Variants in RHOJ observed in about 807,000 individuals in gnomAD.
RHOJ encodes the protein ras homolog family member J.
In RHOJ, 11 loss-of-function variants were observed where a neutral mutation model predicts 23.4. That is an observed-to-expected ratio of 0.47 (90% CI 0.30 to 0.78). RHOJ has a LOEUF of 0.78. RHOJ is among the 30% of genes least tolerant of loss of function. The pLI, the probability that RHOJ is intolerant of heterozygous loss-of-function variation, is 0.08. For missense variants in RHOJ, 254 were observed against 273.4 expected, an observed-to-expected ratio of 0.93 and a Z score of 0.50; for synonymous variants, 102 against 102.7, an observed-to-expected ratio of 0.99 and a Z score of 0.04.
intron 1 of RHOJ, among the ~76,000 whole-genome samples, chr14:63,233,060 C>T (rs1319443854): frequency 6.6e-6 from 1 of 151,754 alleles, no homozygotes; most frequent in Non-Finnish European, 1.5e-5. Context: ...AGGAGAGTAG[C>T]CAAAGGATAG....
intron 1 of RHOJ, among the ~76,000 whole-genome samples, chr14:63,241,576 G>T (rs1055216001): frequency 6.6e-6 from 1 of 152,090 alleles, no homozygotes; most frequent in African/African-American, 2.4e-5. Context: ...TGTGCTTTCT[G>T]CAGCCTTGCA....
At chr14:63,252,506 T>A (rs1035097856) in intron 1 of RHOJ, among the ~76,000 whole-genome samples, 4 of 152,202 alleles carry the variant, frequency 2.6e-5, no homozygotes, top group African/African-American at 9.6e-5. Flanking sequence ...ATACTTTTCA[T>A]CCTGAAAAAG....
At chr14:63,240,414 T>TTATA (rs1445269747) in intron 1 of RHOJ, among the ~76,000 whole-genome samples, 1 of 152,216 alleles carries the variant, frequency 6.6e-6, no homozygotes, top group Non-Finnish European at 1.5e-5. Flanking sequence ...TCTTTAGGAA[T>TTATA]TATAGCCTCA....
intron 1 of RHOJ, among the ~76,000 whole-genome samples, chr14:63,256,012 G>A (rs1373952086): frequency 6.6e-6 from 1 of 152,108 alleles, no homozygotes; most frequent in African/African-American, 2.4e-5. Context: ...AAGAGTACAG[G>A]CACGTGCCAC....
At chr14:63,227,061 C>A (rs1894607526) in intron 1 of RHOJ, among the ~76,000 whole-genome samples, 1 of 152,120 alleles carries the variant, frequency 6.6e-6, no homozygotes, top group Non-Finnish European at 1.5e-5. Context: ...AAGCGATTCT[C>A]CCACCTCAAC....
At chr14:63,238,509 C>T in intron 1 of RHOJ, among the ~76,000 whole-genome samples, 1 of 152,182 alleles carries the variant, frequency 6.6e-6, no homozygotes, top group Non-Finnish European at 1.5e-5. Flanking sequence ...TTCTGCCTTC[C>T]AGGCTCAAGC....
At chr14:63,210,844 G>A (rs116233706) in intron 1 of RHOJ, among the ~76,000 whole-genome samples, 38 of 152,246 alleles carry the variant, frequency 2.5e-4, no homozygotes, top group East Asian at 9.6e-4. Flanking sequence ...ACCTCTTTAC[G>A]ATGTTCACCA....
chr14:63,287,748 A>C (rs913180355), intron 4 of RHOJ, among the ~76,000 whole-genome samples: 14 of 152,140 alleles, frequency 9.2e-5, no homozygotes, highest in Non-Finnish European at 1.5e-5. Flanking sequence ...TTTTCTTGAA[A>C]ATAAGTCATT....
At chr14:63,238,826 G>T (rs766499942) in intron 1 of RHOJ, among the ~76,000 whole-genome samples, 1 of 152,134 alleles carries the variant, frequency 6.6e-6, no homozygotes, top group African/African-American at 2.4e-5. Flanking sequence ...ATATATATCC[G>T]CACATATTCC....
chr14:63,266,221 C>T (rs899987646), intron 1 of RHOJ, among the ~76,000 whole-genome samples: 1 of 152,122 alleles, frequency 6.6e-6, no homozygotes, highest in African/African-American at 2.4e-5. Context: ...TGATGCTATA[C>T]TAGAGTCAGG....
Position 63,204,944 on chromosome 14 carries a change from G to A in RHOJ, c.75G>A (p.Val25=), listed in dbSNP as rs773136162. The A allele has an allele frequency of 6.2e-7, 1 of 1,614,206 alleles. No homozygotes were observed. Among genetic ancestry groups the A allele is most frequent in the East Asian group, 2.2e-5 (1 of 44,876 alleles). ...ACGAGAAGAAGATGTTGAAGTGTGT[G>A]GTGGTGGGGGACGGTGCCGTGGGGA... ...GNDEKKMLKC[V]VVGDGAVGKT... The change falls in exon 1 of 5, where the codon GTG becomes GTA. Residue 25 remains valine (V), a synonymous_variant. Coordinates refer to ENST00000316754, the MANE Select transcript of RHOJ (RefSeq NM_020663.5).
At chr14:63,218,796 C>T (rs1197277407) in intron 1 of RHOJ, among the ~76,000 whole-genome samples, 1 of 152,130 alleles carries the variant, frequency 6.6e-6, no homozygotes, top group Non-Finnish European at 1.5e-5. Flanking sequence ...TACAGTTGAC[C>T]ACAAGTTATC....
At chr14:63,205,197 C>G in intron 1 of RHOJ, 150 bp downstream of exon 1, 1 of 761,774 alleles carries the variant, frequency 1.3e-6, no homozygotes, top group Non-Finnish European at 2.1e-6. Context: ...CAACCCAGGA[C>G]TTGACTGTTG....
intron 1 of RHOJ, among the ~76,000 whole-genome samples, chr14:63,211,430 A>C (rs770877398): frequency 3.9e-4 from 60 of 152,138 alleles, no homozygotes; most frequent in African/African-American, 1.4e-3. Flanking sequence ...ATGCGACTGC[A>C]CTCCAACCTG....
At chr14:63,255,866 T>A (rs552544503) in intron 1 of RHOJ, among the ~76,000 whole-genome samples, 1 of 151,536 alleles carries the variant, frequency 6.6e-6, no homozygotes, top group African/African-American at 2.4e-5. Flanking sequence ...CTTTTTTTTT[T>A]ACCTTTTTTA....
chr14:63,278,444 TA>T (rs921300864), intron 2 of RHOJ, among the ~76,000 whole-genome samples: 15 of 152,280 alleles, frequency 9.9e-5, no homozygotes, highest in African/African-American at 3.6e-4. Context: ...TTTTTTATTA[TA>T]CTTTAAGTTC....
intron 1 of RHOJ, among the ~76,000 whole-genome samples, chr14:63,209,765 T>C (rs1473130076): frequency 2.6e-5 from 4 of 152,160 alleles, no homozygotes; most frequent in African/African-American, 7.2e-5. Context: ...ACTTAGATAG[T>C]TTCTGGTCCA....
chr14:63,228,346 A>C (rs1894631592), intron 1 of RHOJ, among the ~76,000 whole-genome samples: 1 of 152,200 alleles, frequency 6.6e-6, no homozygotes, highest in African/African-American at 2.4e-5. Context: ...TCCTTCTGAA[A>C]TTTTATCTTA....
intron 1 of RHOJ, among the ~76,000 whole-genome samples, chr14:63,248,239 TGGG>T (rs932281725): frequency 7.2e-5 from 11 of 152,262 alleles, no homozygotes; most frequent in African/African-American, 2.2e-4. Context: ...TAAATTCAAA[TGGG>T]GGCAAAATTT....
Sources: gnomAD v4.1 joint callset for allele counts (sites outside exome capture counted in the v4.1 genomes callset) on GRCh38, gnomAD v4.1.1 for gene constraint, MANE v1.5 for transcripts, NCBI Gene and HGNC (gene_info 2026-07-23, HGNC 2026-07-21) for gene names.